SLC71A1: variants seen among roughly 807,000 people sequenced by gnomAD.
SLC71A1 encodes hippocampus abundant gene transcript 1.
chr1:100,072,685 GTA>G, the SLC71A1 span, among the ~76,000 whole-genome samples: 4 of 152,086 alleles, frequency 2.6e-5, no homozygotes, highest in African/African-American at 9.6e-5. Flanking sequence ...ATTAGATCTG[GTA>G]ACCGGGTGTG....
At chr1:100,050,367 T>C in the SLC71A1 span, among the ~76,000 whole-genome samples, 1 of 152,176 alleles carries the variant, frequency 6.6e-6, no homozygotes, top group African/African-American at 2.4e-5. Flanking sequence ...AGCTGTACTT[T>C]CCAAAAACAG....
At chr1:100,056,826 C>T in the SLC71A1 span, among the ~76,000 whole-genome samples, 1 of 152,096 alleles carries the variant, frequency 6.6e-6, no homozygotes, top group South Asian at 2.1e-4. Flanking sequence ...TGAGTGTTCC[C>T]TTTTCTCCAC....
At chr1:100,075,785 C>T in the SLC71A1 span, among the ~76,000 whole-genome samples, 1 of 152,082 alleles carries the variant, frequency 6.6e-6, no homozygotes, top group South Asian at 2.1e-4. Context: ...CTCGAGTGAT[C>T]CTCTGGACTC....
the SLC71A1 span, among the ~76,000 whole-genome samples, chr1:100,071,370 C>T: frequency 6.7e-6 from 1 of 149,038 alleles, no homozygotes; most frequent in African/African-American, 2.5e-5. Flanking sequence ...ACTCAGGAAG[C>T]TGAGATGGGA....
chr1:100,042,830 G>T, the SLC71A1 span, among the ~76,000 whole-genome samples: 4 of 151,892 alleles, frequency 2.6e-5, no homozygotes, highest in East Asian at 7.7e-4. Context: ...GGCTGGTCTC[G>T]AACTCTTGAC....
the SLC71A1 span, among the ~76,000 whole-genome samples, chr1:100,071,289 C>CAAAAAAAAAAAAAAAAAA: frequency 3.9e-4 from 21 of 53,390 alleles, no homozygotes; most frequent in East Asian, 8.9e-4. Context: ...CCATCTCTAC[C>CAAAAAAAAAAAAAAAAAA]AAAAAAAAAA....
At chr1:100,055,916 C>G in the SLC71A1 span, among the ~76,000 whole-genome samples, 4 of 152,212 alleles carry the variant, frequency 2.6e-5, no homozygotes, top group South Asian at 4.1e-4. Context: ...CCATACCCAG[C>G]TAATTTTTGT....
At chr1:100,078,782 T>G in the SLC71A1 span, 1 of 364,316 alleles carries the variant, frequency 2.7e-6, no homozygotes, top group Non-Finnish European at 5.0e-6. Context: ...GAAAATTTAC[T>G]GATGAGGCTG....
chr1:100,038,353 GC>G, the SLC71A1 span: 7 of 1,530,726 alleles, frequency 4.6e-6, no homozygotes, highest in Non-Finnish European at 6.2e-6. Context: ...GTCCCTCGGG[GC>G]CCCCATCCGG....
chr1:100,067,173 A>C, the SLC71A1 span, among the ~76,000 whole-genome samples: 3 of 151,998 alleles, frequency 2.0e-5, no homozygotes, highest in East Asian at 5.8e-4. Flanking sequence ...TGAATTTGCC[A>C]GTAGGATTTA....
At chr1:100,055,976 C>T in the SLC71A1 span, among the ~76,000 whole-genome samples, 6 of 152,172 alleles carry the variant, frequency 3.9e-5, no homozygotes, top group East Asian at 1.2e-3. Flanking sequence ...TGGTCTCAAT[C>T]TCTTGACCTT....
At chr1:100,047,548 G>C in the SLC71A1 span, among the ~76,000 whole-genome samples, 2 of 152,186 alleles carry the variant, frequency 1.3e-5, no homozygotes, top group African/African-American at 4.8e-5. Context: ...TCAGCTTCCT[G>C]AGTAGCTGGG....
chr1:100,078,802 G>A, the SLC71A1 span: 1 of 314,290 alleles, frequency 3.2e-6, no homozygotes, highest in Non-Finnish European at 5.9e-6. Flanking sequence ...GGGCATGGTG[G>A]CTCACACCTG....
chr1:100,080,408 AT>A, the SLC71A1 span: 1 of 1,037,978 alleles, frequency 9.6e-7, no homozygotes, highest in Non-Finnish European at 1.4e-6. Flanking sequence ...TTGATTTTAG[AT>A]TAAGTGATTT....
At chr1:100,058,750 T>G in the SLC71A1 span, 1 of 1,294,508 alleles carries the variant, frequency 7.7e-7, no homozygotes, top group Non-Finnish European at 1.1e-6. Flanking sequence ...CATACATATA[T>G]ATGTGTATAT....
the SLC71A1 span, among the ~76,000 whole-genome samples, chr1:100,063,310 T>A: frequency 6.0e-5 from 9 of 150,100 alleles, no homozygotes; most frequent in Non-Finnish European, 1.2e-4. Context: ...CAAAAAACAC[T>A]GAAATCTTCT....
chr1:100,067,638 TC>T, the SLC71A1 span, among the ~76,000 whole-genome samples: 1 of 151,918 alleles, frequency 6.6e-6, no homozygotes, highest in Non-Finnish European at 1.5e-5. Flanking sequence ...TAGCGTGACT[TC>T]CACCTCTATA....
the SLC71A1 span, among the ~76,000 whole-genome samples, chr1:100,074,471 C>A: frequency 6.6e-6 from 1 of 151,816 alleles, no homozygotes; most frequent in African/African-American, 2.4e-5. Flanking sequence ...CCCAGCTACT[C>A]GGGAGGCTGA....
At chr1:100,041,488 G>T in the SLC71A1 span, among the ~76,000 whole-genome samples, 1 of 152,122 alleles carries the variant, frequency 6.6e-6, no homozygotes, top group African/African-American at 2.4e-5. Flanking sequence ...AAGAGCAATT[G>T]TTCTGTTTGA....
Sources: gnomAD v4.1 joint callset for allele counts (sites outside exome capture counted in the v4.1 genomes callset) on GRCh38, gnomAD v4.1.1 for gene constraint, MANE v1.5 for transcripts, NCBI Gene and HGNC (gene_info 2026-07-23, HGNC 2026-07-21) for gene names.